Variants in TMEM255A observed in about 807,000 individuals in gnomAD.
The protein encoded by TMEM255A is transmembrane protein 255A.
Under a neutral mutation model 23.5 loss-of-function variants are expected in TMEM255A, and 14 were observed. That is an observed-to-expected ratio of 0.60 (90% CI 0.39 to 0.93). The LOEUF is 0.93. TMEM255A is among the 40% of genes least tolerant of loss of function. TMEM255A has a pLI of 0.00. For synonymous variants in TMEM255A, 104 were observed against 100.3 expected (o/e 1.04, Z -0.22); for missense variants, 233 against 261.7 (o/e 0.89, Z 0.76).
In TMEM255A at chrX:120,309,450, G is replaced by A. The variant is rs368212091; in HGVS notation, c.58+1802C>T. Among the ~76,000 whole-genome samples, 26 of 113,012 alleles carry A rather than the reference G, an allele frequency of 2.3e-4. No homozygotes were observed. In the East Asian group the frequency reaches 5.9e-3, roughly 26 times the overall value. ...CAAGTAGCGACTCTTTAAGCCCTGG[G>A]CCACCAACCAGCCCACTCCCCGAAG... On this transcript the variant is annotated intron_variant, in intron 1 of 8. Coordinates refer to ENST00000371369, the MANE Select transcript of TMEM255A (RefSeq NM_001104544.3).
intron 6 of TMEM255A, among the ~76,000 whole-genome samples, chrX:120,277,841 A>C (rs2057809786): frequency 9.0e-6 from 1 of 111,152 alleles, no homozygotes; most frequent in African/African-American, 3.3e-5. Context: ...TTTCTTGACC[A>C]CTCTGTCCAA....
At position 120,298,877 on chromosome X, in the gene TMEM255A, T is replaced by TAGAGAG. The variant is rs60873568; in HGVS notation, c.202-4832_202-4827dup. Reference sequence around the variant, plus strand: ...TTAAGTTGGGATAGAACAGAGCACCTAGAGAGAGAGAGAGAGAGAGAGAGA... The same window carrying TAGAGAG: ...TTAAGTTGGGATAGAACAGAGCACCTAGAGAGAGAGAGAGAGAGAGAGAGAGAGAGA... On this transcript the variant is annotated intron_variant, in intron 2 of 8. Transcript: ENST00000371369. 7.9e-3 allele frequency among the ~76,000 whole-genome samples: 776 copies of TAGAGAG among 97,829 alleles called. 8 individuals carry two copies. Among genetic ancestry groups the TAGAGAG allele is most frequent in the South Asian group, 0.025 (47 of 1,846 alleles). The allele number at this position is 97,829 out of a possible 115,157, so 85.0% of individuals were successfully genotyped here.
At chrX:120,304,259 C>T (rs1305913544) in intron 2 of TMEM255A, 90 bp downstream of exon 2, 3 of 958,319 alleles carry the variant, frequency 3.1e-6, no homozygotes, top group East Asian at 6.2e-5. Context: ...AAACACTAGA[C>T]ACTCAAACAG....
the TMEM255A span, chrX:120,253,333 T>A: frequency 4.4e-6 from 4 of 907,254 alleles, no homozygotes; most frequent in Non-Finnish European, 6.0e-6. Flanking sequence ...TATTTAATGA[T>A]GCTACTGCTT....
At chrX:120,300,370 G>A (rs1302324290) in intron 2 of TMEM255A, among the ~76,000 whole-genome samples, 2 of 110,435 alleles carry the variant, frequency 1.8e-5, no homozygotes, top group Non-Finnish European at 3.8e-5. Context: ...GTTGGTGTTC[G>A]GTTTTTGTTT....
intron 8 of TMEM255A, among the ~76,000 whole-genome samples, chrX:120,264,123 C>T: frequency 9.0e-6 from 1 of 111,382 alleles, no homozygotes; most frequent in Non-Finnish European, 1.9e-5. Flanking sequence ...GGTACTGGCC[C>T]AGTATGCCAG....
chrX:120,290,123 A>G (rs1346721208), intron 4 of TMEM255A, among the ~76,000 whole-genome samples: 2 of 111,727 alleles, frequency 1.8e-5, no homozygotes, highest in Non-Finnish European at 3.8e-5. Flanking sequence ...AATAACTGAT[A>G]CATACTAAAT....
intron 7 of TMEM255A, among the ~76,000 whole-genome samples, chrX:120,274,789 G>A (rs1163874714): frequency 8.9e-6 from 1 of 111,952 alleles, no homozygotes; most frequent in Non-Finnish European, 1.9e-5. Context: ...AATAAAACAT[G>A]GTGGCAGTTT....
intron 4 of TMEM255A, among the ~76,000 whole-genome samples, chrX:120,288,798 T>C (rs1336532307): frequency 8.9e-6 from 1 of 112,665 alleles, no homozygotes; most frequent in Non-Finnish European, 1.9e-5. Flanking sequence ...ATTCCCATTA[T>C]TTAATTTCAC....
intron 5 of TMEM255A, among the ~76,000 whole-genome samples, chrX:120,286,191 A>G (rs1304221399): frequency 1.8e-5 from 2 of 112,383 alleles, no homozygotes; most frequent in African/African-American, 6.5e-5. Context: ...CCTTTGGAGC[A>G]GGACTGCTTT....
intron 1 of TMEM255A, 72 bp from the exon 2 acceptor site, chrX:120,304,563 T>G: frequency 9.1e-7 from 1 of 1,100,923 alleles, no homozygotes; most frequent in Non-Finnish European, 1.2e-6. Context: ...AAAAAAACAC[T>G]AAGAAGGTTT....
intron 7 of TMEM255A, among the ~76,000 whole-genome samples, chrX:120,272,434 C>T (rs1449984071): frequency 3.6e-5 from 4 of 111,621 alleles, no homozygotes; most frequent in African/African-American, 1.3e-4. Context: ...CCCAAGTCTC[C>T]TCTTGAACTG....
intron 8 of TMEM255A, among the ~76,000 whole-genome samples, chrX:120,262,246 C>T (rs1429554791): frequency 1.8e-5 from 2 of 111,616 alleles, no homozygotes; most frequent in African/African-American, 6.5e-5. Flanking sequence ...GCTCAGATCA[C>T]GCCACTGCAC....
chrX:120,295,181 G>A (rs2147207198), intron 2 of TMEM255A, among the ~76,000 whole-genome samples: 2 of 111,848 alleles, frequency 1.8e-5, no homozygotes, highest in Admixed American at 1.9e-4. Context: ...AGTAAAAAGT[G>A]GTGAGAACGG....
Position 120,261,119 on chromosome X carries a change from C to CT in TMEM255A, c.820-92dup, listed in dbSNP as rs3833892. 322 of 1,061,898 alleles carry CT rather than the reference C, an allele frequency of 3.0e-4. 2 individuals carry two copies. The East Asian group carries it at 9.5e-3, about 31-fold the overall frequency. 87.5% of individuals were successfully genotyped at this position (1,061,898 alleles called of 1,213,427 possible). A position where few individuals can be genotyped will look rare whatever the true frequency, so the allele number is the denominator to read the frequency against. On this transcript the variant is annotated intron_variant, in intron 8 of 8. Transcript: ENST00000371369. ...ATTTAAAAATGAATATGGGCCAAAGCTTTTTTTCTATTTGGAAGAACAGAG... is the reference window on the plus strand; with the variant it reads ...ATTTAAAAATGAATATGGGCCAAAGCTTTTTTTTCTATTTGGAAGAACAGAG...
chrX:120,301,281 T>C (rs1247036206), intron 2 of TMEM255A, among the ~76,000 whole-genome samples: 1 of 112,354 alleles, frequency 8.9e-6, no homozygotes, highest in Non-Finnish European at 1.9e-5. Flanking sequence ...AATATTTAAA[T>C]GATTTGTATG....
Position 120,259,773 on chromosome X carries a change from C to T in TMEM255A, c.*1097G>A, listed in dbSNP as rs1208014789. On this transcript the variant is annotated 3_prime_UTR_variant, in exon 9 of 9. Coordinates refer to ENST00000371369, the MANE Select transcript of TMEM255A (RefSeq NM_001104544.3). ...TGTGCCAGATGGATTTTAAATCTGC[C>T]GTAACACTTAAATATTTGTCAAGTT... 8 of 111,286 alleles carry T rather than the reference C, an allele frequency of 7.2e-5. No individual in the cohort carries two copies. Among genetic ancestry groups the T allele is most frequent in the Non-Finnish European group, 1.5e-4 (8 of 53,015 alleles). 9.2% of individuals were successfully genotyped at this position (111,286 alleles called of 1,213,427 possible).
chrX:120,263,819 G>A lies in TMEM255A; in HGVS notation c.820-2791C>T, dbSNP rs549268724. The stretch of plus-strand genomic sequence containing the variant: ...GACAGCGGGGTGGCGGGCGGGTGGC[G>A]GGGGGAAGAAAAAGTTGAGTGATAG... On this transcript the variant is annotated intron_variant, in intron 8 of 8. Transcript: ENST00000371369. 2.7e-4 allele frequency among the ~76,000 whole-genome samples: 30 copies of A among 109,743 alleles called. No homozygotes were observed. The South Asian group carries it at 0.012, about 42-fold the overall frequency.
rs1333980206 is a variant in TMEM255A, at chrX:120,277,610, C to T, written c.513-563G>A. 1.3e-4 allele frequency among the ~76,000 whole-genome samples: 14 copies of T among 111,969 alleles called. No homozygotes were observed. The South Asian group carries it at 2.6e-3, about 21-fold the overall frequency. Reference sequence around the variant, plus strand: ...CTATCAAATAGGGACTATCACCATGCACATTTTACAGATGAAGAAAGTGAA... The same window carrying T: ...CTATCAAATAGGGACTATCACCATGTACATTTTACAGATGAAGAAAGTGAA... On this transcript the variant is annotated intron_variant, in intron 6 of 8. Transcript: ENST00000371369.
Sources: gnomAD v4.1 joint callset for allele counts (sites outside exome capture counted in the v4.1 genomes callset) on GRCh38, gnomAD v4.1.1 for gene constraint, MANE v1.5 for transcripts, NCBI Gene and HGNC (gene_info 2026-07-23, HGNC 2026-07-21) for gene names.